C8B: variants seen among roughly 807,000 people sequenced by gnomAD.
C8B encodes the protein complement C8 beta chain, also known as complement component C8 beta chain.
A neutral mutation model predicts 64.6 loss-of-function variants in C8B; 67 were observed. The observed-to-expected ratio is 1.04, with a 90% CI of 0.85 to 1.27. The LOEUF (loss-of-function observed/expected upper bound fraction) is 1.27. Ranked by LOEUF, C8B falls within the 50% of genes most tolerant of loss-of-function variation. C8B has a pLI of 0.00. For missense variants in C8B, 790 were observed against 725.2 expected, an observed-to-expected ratio of 1.09 and a Z score of -1.03; for synonymous variants, 284 against 257.7, an observed-to-expected ratio of 1.10 and a Z score of -0.98.
intron 11 of C8B, chr1:56,931,558 A>G (rs983294411): frequency 3.7e-5 from 16 of 432,880 alleles, no homozygotes; most frequent in African/African-American, 6.1e-5. Context: ...ATCCAAAGAG[A>G]TGGCTTACAA....
chr1:56,942,237 G>A (rs1376153083), intron 8 of C8B, among the ~76,000 whole-genome samples: 2 of 140,076 alleles, frequency 1.4e-5, no homozygotes, highest in African/African-American at 5.3e-5. Flanking sequence ...GATGACAATT[G>A]TGGGAAAATT....
chr1:56,935,626 A>G (rs1211884520), intron 9 of C8B, among the ~76,000 whole-genome samples: 1 of 152,266 alleles, frequency 6.6e-6, no homozygotes, highest in Admixed American at 6.5e-5. Context: ...TAGGTGCTGA[A>G]TTAAACACTT....
intron 9 of C8B, among the ~76,000 whole-genome samples, chr1:56,935,759 T>C (rs766883703): frequency 3.3e-5 from 5 of 152,226 alleles, no homozygotes; most frequent in Non-Finnish European, 5.9e-5. Flanking sequence ...GAAAGTCACA[T>C]AGCTAGTGAG....
intron 5 of C8B, among the ~76,000 whole-genome samples, 196 bp from the exon 6 acceptor site, chr1:56,949,948 C>G (rs573562916): frequency 5.9e-5 from 9 of 152,200 alleles, no homozygotes; most frequent in Non-Finnish European, 8.8e-5. Context: ...TGATCAATAC[C>G]TTGGGTGAAA....
chr1:56,931,607 G>A (rs1055135243), intron 11 of C8B: 4 of 545,920 alleles, frequency 7.3e-6, no homozygotes, highest in South Asian at 5.6e-5. Flanking sequence ...GAAGCACTCT[G>A]TGTTGTAAAA....
intron 11 of C8B, 143 bp downstream of exon 11, chr1:56,931,667 G>A: frequency 1.5e-6 from 1 of 663,564 alleles, no homozygotes; most frequent in African/African-American, 1.8e-5. Context: ...TGATGGAGAT[G>A]GAATTTCAAT....
intron 11 of C8B, 99 bp from the exon 12 acceptor site, chr1:56,929,657 T>C: frequency 8.2e-6 from 9 of 1,098,392 alleles, no homozygotes; most frequent in Non-Finnish European, 1.2e-5. Flanking sequence ...GCTTTGGGAG[T>C]CTGAATCTCT....
Position 56,957,060 on chromosome 1 carries a change from C to T in C8B, c.250-150G>A, listed in dbSNP as rs1570402943. 4 of 809,808 alleles carry T rather than the reference C, an allele frequency of 4.9e-6. No homozygotes were observed. The Admixed American group carries it at 8.2e-5, about 17-fold the overall frequency. 50.2% of individuals were successfully genotyped at this position (809,808 alleles called of 1,614,324 possible). On this transcript the variant is annotated intron_variant, in intron 2 of 11. Transcript: ENST00000371237. The stretch of plus-strand genomic sequence containing the variant: ...CATCATTCCCCCAGCCCCTTGTGCT[C>T]CCCCCATTATATATACTTAAGGAGC...
At chr1:56,934,416 A>T (rs1179589962) in intron 9 of C8B, among the ~76,000 whole-genome samples, 1 of 152,180 alleles carries the variant, frequency 6.6e-6, no homozygotes, top group Non-Finnish European at 1.5e-5. Flanking sequence ...GAGAAGTCAC[A>T]GATAGATGTG....
At chr1:56,946,862 C>G (rs984510210) in intron 6 of C8B, among the ~76,000 whole-genome samples, 1 of 152,174 alleles carries the variant, frequency 6.6e-6, no homozygotes, top group Non-Finnish European at 1.5e-5. Context: ...TCGGCCTAAT[C>G]CTAAATCCTT....
intron 5 of C8B, 148 bp from the exon 6 acceptor site, chr1:56,949,900 C>A: frequency 1.5e-6 from 1 of 669,792 alleles, no homozygotes; most frequent in Non-Finnish European, 2.7e-6. Context: ...ATTTGTGTCC[C>A]CACCTCAGGG....
At chr1:56,943,494 T>C (rs984138129) in intron 8 of C8B, among the ~76,000 whole-genome samples, 6 of 152,208 alleles carry the variant, frequency 3.9e-5, no homozygotes, top group Admixed American at 3.3e-4. Flanking sequence ...ATTCCATTCA[T>C]ATAAAGTTCA....
intron 3 of C8B, among the ~76,000 whole-genome samples, chr1:56,956,189 C>T (rs753684400): frequency 3.3e-5 from 5 of 152,134 alleles, no homozygotes; most frequent in South Asian, 2.1e-4. Flanking sequence ...ATGCTAACTG[C>T]CCTATGTAAC....
In C8B at chr1:56,941,011, G is replaced by C. The variant is rs1366289338; in HGVS notation, c.1236C>G (p.Asp412Glu). The C allele has an allele frequency of 6.2e-7, 1 of 1,613,946 alleles. No individual in the cohort carries two copies. The highest frequency in any genetic ancestry group is 8.5e-7 in the Non-Finnish European group (1 of 1,179,978). The stretch of plus-strand genomic sequence containing the variant: ...CCACCATGGTGTCCCTCTTGTTTCT[G>C]TCTGGAATGGACACAGAGCTAGCAG... ...KCRGILNEIK[D>E]RNKRDTMVED... is the part of the protein sequence containing the mutation. The change falls in exon 9 of 12, where the codon GAC becomes GAG. Residue 412 changes from aspartate to glutamate, a missense_variant and splice_region_variant. Coordinates refer to ENST00000371237, the MANE Select transcript of C8B (RefSeq NM_000066.4).
At chr1:56,937,218 G>C (rs1422038138) in intron 9 of C8B, among the ~76,000 whole-genome samples, 2 of 152,164 alleles carry the variant, frequency 1.3e-5, no homozygotes, top group Admixed American at 6.5e-5. Flanking sequence ...CAAGGTTGAG[G>C]CTTTCCAAAC....
intron 5 of C8B, among the ~76,000 whole-genome samples, chr1:56,950,163 A>G (rs1256565234): frequency 6.6e-6 from 1 of 152,244 alleles, no homozygotes; most frequent in Admixed American, 6.5e-5. Context: ...TTCTGACATC[A>G]AAATAGGCTT....
At chr1:56,950,453 T>C (rs1410000801) in intron 5 of C8B, among the ~76,000 whole-genome samples, 3 of 152,344 alleles carry the variant, frequency 2.0e-5, no homozygotes, top group Non-Finnish European at 4.4e-5. Context: ...CCAGTGTTCA[T>C]GGCACTGTGT....
chr1:56,941,105 T>G (rs1644847953), intron 8 of C8B, 93 bp from the exon 9 acceptor site: 3 of 1,363,632 alleles, frequency 2.2e-6, no homozygotes, highest in Non-Finnish European at 3.1e-6. Flanking sequence ...GTACACCATA[T>G]TCACTGAACT....
At chr1:56,932,706 C>T (rs987816646) in intron 10 of C8B, among the ~76,000 whole-genome samples, 1 of 152,208 alleles carries the variant, frequency 6.6e-6, no homozygotes, top group African/African-American at 2.4e-5. Context: ...CAACTGGACC[C>T]TTTCTGCCTG....
Sources: gnomAD v4.1 joint callset for allele counts (sites outside exome capture counted in the v4.1 genomes callset) on GRCh38, gnomAD v4.1.1 for gene constraint, MANE v1.5 for transcripts, NCBI Gene and HGNC (gene_info 2026-07-23, HGNC 2026-07-21) for gene names.